The following PLCXD3 variants were observed in gnomAD, a reference collection of about 807,000 sequenced individuals.
PLCXD3 encodes phosphatidylinositol specific phospholipase C X domain containing 3, also known as PI-PLC X domain-containing protein 3.
A neutral mutation model predicts 25.5 loss-of-function variants in PLCXD3; 19 were observed. The ratio of observed to expected loss-of-function variants is 0.75; its 90% confidence interval spans 0.52 to 1.09. The LOEUF is 1.09. Ranked by LOEUF, PLCXD3 falls within the 50% of genes least tolerant of loss-of-function variation. The pLI, the probability that PLCXD3 is intolerant of heterozygous loss-of-function variation, is 0.00. For synonymous variants in PLCXD3, 174 were observed against 137.6 expected, an observed-to-expected ratio of 1.26 and a Z score of -1.85; for missense variants, 411 against 388.1, an observed-to-expected ratio of 1.06 and a Z score of -0.50.
intron 1 of PLCXD3, among the ~76,000 whole-genome samples, chr5:41,484,002 C>G (rs1748466023): frequency 1.3e-5 from 2 of 151,814 alleles, no homozygotes; most frequent in African/African-American, 2.4e-5. Context: ...TTTGAGGAGG[C>G]AATTATTGAT....
chr5:41,373,585 G>C (rs1020376897), intron 2 of PLCXD3, among the ~76,000 whole-genome samples: 1 of 152,076 alleles, frequency 6.6e-6, no homozygotes, highest in Non-Finnish European at 1.5e-5. Context: ...GGAACGGCCA[G>C]CCCGCAGGCC....
rs570351996 is a variant in PLCXD3, at chr5:41,495,218, C to T, written c.103+15206G>A. Among the ~76,000 whole-genome samples, 8 of 152,340 alleles carry T rather than the reference C, an allele frequency of 5.3e-5. No individual in the cohort carries two copies. In the East Asian group the frequency reaches 7.7e-4, roughly 15 times the overall value. ...GAGAGAAAGAGGAGACTAGACTGCACGTCCAACATTCTGACTTTTGGAGAA... is the reference window on the plus strand; with the variant it reads ...GAGAGAAAGAGGAGACTAGACTGCATGTCCAACATTCTGACTTTTGGAGAA... On this transcript the variant is annotated intron_variant, in intron 1 of 2. Coordinates refer to ENST00000377801, the MANE Select transcript of PLCXD3 (RefSeq NM_001005473.3).
chr5:41,352,285 A>G (rs1186703313), intron 2 of PLCXD3, among the ~76,000 whole-genome samples: 1 of 152,080 alleles, frequency 6.6e-6, no homozygotes, highest in Non-Finnish European at 1.5e-5. Flanking sequence ...ATCCTTGCCT[A>G]TTTCATTCTT....
At chr5:41,368,914 C>G (rs927766620) in intron 2 of PLCXD3, among the ~76,000 whole-genome samples, 1 of 152,112 alleles carries the variant, frequency 6.6e-6, no homozygotes, top group Non-Finnish European at 1.5e-5. Flanking sequence ...ATAAACAACC[C>G]GCATCAGGAG....
intron 2 of PLCXD3, among the ~76,000 whole-genome samples, chr5:41,337,985 A>G (rs193257551): frequency 1.7e-4 from 26 of 152,236 alleles, no homozygotes; most frequent in Admixed American, 1.6e-3. Context: ...ATTTTTAAGC[A>G]AATTCCTAGG....
intron 2 of PLCXD3, among the ~76,000 whole-genome samples, chr5:41,349,600 T>G (rs115272075): frequency 3.7e-4 from 56 of 152,284 alleles, no homozygotes; most frequent in African/African-American, 1.3e-3. Flanking sequence ...GACAAAAGCA[T>G]TCCACACTTT....
intron 1 of PLCXD3, among the ~76,000 whole-genome samples, chr5:41,472,673 T>C (rs1748191333): frequency 6.6e-6 from 1 of 152,222 alleles, no homozygotes; most frequent in Non-Finnish European, 1.5e-5. Flanking sequence ...AGAGATGACA[T>C]TGAAGTACCT....
chr5:41,418,519 T>C (rs1309417028), intron 1 of PLCXD3, among the ~76,000 whole-genome samples: 1 of 148,194 alleles, frequency 6.7e-6, no homozygotes, highest in Non-Finnish European at 1.5e-5. Context: ...ACACATGTCA[T>C]ATTAATTTTT....
rs149665874 is a variant in PLCXD3, at chr5:41,446,669, C to G, written c.103+63755G>C. Among the ~76,000 whole-genome samples the G allele has an allele frequency of 4.6e-5, 7 of 152,048 alleles. 1 individual carries two copies. Among genetic ancestry groups the G allele is most frequent in the African/African-American group, 1.7e-4 (7 of 41,484 alleles). On this transcript the variant is annotated intron_variant, in intron 1 of 2. Coordinates refer to ENST00000377801, the MANE Select transcript of PLCXD3 (RefSeq NM_001005473.3). ...AAGGGAAGATGCAAACAGAGCCATT[C>G]AGTCATGTGGTGAGCCTGGAACCCA...
intron 1 of PLCXD3, among the ~76,000 whole-genome samples, chr5:41,458,287 A>T (rs1747801158): frequency 6.6e-6 from 1 of 152,038 alleles, no homozygotes; most frequent in Admixed American, 6.6e-5. Flanking sequence ...GAAGGAATAA[A>T]AAACATACTG....
At chr5:41,420,886 C>T (rs1746804488) in intron 1 of PLCXD3, among the ~76,000 whole-genome samples, 1 of 152,160 alleles carries the variant, frequency 6.6e-6, no homozygotes, top group African/African-American at 2.4e-5. Flanking sequence ...AATCATGTGA[C>T]CATATAACTC....
intron 1 of PLCXD3, among the ~76,000 whole-genome samples, chr5:41,420,912 C>G (rs1192372365): frequency 6.6e-6 from 1 of 152,166 alleles, no homozygotes; most frequent in Non-Finnish European, 1.5e-5. Flanking sequence ...TGTGAGGCTA[C>G]AGATAATAAA....
At chr5:41,464,489 G>A (rs147986255) in intron 1 of PLCXD3, among the ~76,000 whole-genome samples, 1 of 152,118 alleles carries the variant, frequency 6.6e-6, no homozygotes, top group African/African-American at 2.4e-5. Flanking sequence ...GTAGATGATG[G>A]GTTGATGGGT....
chr5:41,437,134 T>G (rs1294482099), intron 1 of PLCXD3, among the ~76,000 whole-genome samples: 1 of 152,150 alleles, frequency 6.6e-6, no homozygotes, highest in Admixed American at 6.6e-5. Flanking sequence ...ATTATCCTAG[T>G]TGGAATGTAA....
chr5:41,427,946 C>A (rs986332359), intron 1 of PLCXD3, among the ~76,000 whole-genome samples: 3 of 152,114 alleles, frequency 2.0e-5, no homozygotes, highest in Non-Finnish European at 2.9e-5. Flanking sequence ...GCATTTCTAC[C>A]AAAACAGGTG....
intron 1 of PLCXD3, among the ~76,000 whole-genome samples, chr5:41,403,411 T>TTGTTTTTG (rs1580353923): frequency 5.2e-5 from 2 of 38,346 alleles, no homozygotes; most frequent in Non-Finnish European, 6.4e-5. Flanking sequence ...GTTTTTTTTT[T>TTGTTTTTG]TTTTTATTAT....
intron 1 of PLCXD3, among the ~76,000 whole-genome samples, chr5:41,418,041 C>A (rs1157402449): frequency 2.0e-5 from 3 of 152,116 alleles, no homozygotes; most frequent in African/African-American, 4.8e-5. Context: ...AATAATCCAA[C>A]AAAACATGTA....
chr5:41,354,006 A>T (rs1322091434), intron 2 of PLCXD3, among the ~76,000 whole-genome samples: 1 of 152,180 alleles, frequency 6.6e-6, no homozygotes, highest in African/African-American at 2.4e-5. Context: ...GGTTTCTGAG[A>T]ATCCATACTT....
chr5:41,366,225 A>G (rs980237562), intron 2 of PLCXD3, among the ~76,000 whole-genome samples: 6 of 152,184 alleles, frequency 3.9e-5, no homozygotes, highest in African/African-American at 1.2e-4. Context: ...TAGCTATACA[A>G]AAGCCCCCCA....
Sources: gnomAD v4.1 joint callset for allele counts (sites outside exome capture counted in the v4.1 genomes callset) on GRCh38, gnomAD v4.1.1 for gene constraint, MANE v1.5 for transcripts, NCBI Gene and HGNC (gene_info 2026-07-23, HGNC 2026-07-21) for gene names.